Variants in KALRN observed in about 807,000 individuals in gnomAD.
KALRN encodes kalirin RhoGEF kinase.
In KALRN, 70 loss-of-function variants were observed where a neutral mutation model predicts 353.7. The observed-to-expected ratio is 0.20, with a 90% CI of 0.16 to 0.24. The LOEUF is 0.24. Among genes scored for constraint, KALRN ranks in the 10% least tolerant of loss-of-function variants. The pLI is 1.00. For synonymous variants in KALRN, 1,391 were observed against 1,434.8 expected (o/e 0.97, Z 0.69); for missense variants, 2,791 against 3,756.7 (o/e 0.74, Z 6.72).
At chr3:124,579,616 C>A (rs1282043504) in intron 34 of KALRN, among the ~76,000 whole-genome samples, 1 of 151,996 alleles carries the variant, frequency 6.6e-6, no homozygotes, top group African/African-American at 2.4e-5. Flanking sequence ...TAGGAAGAAG[C>A]CTCTCTAGCT....
intron 30 of KALRN, 118 bp downstream of exon 30, chr3:124,491,002 G>A (rs1209910262): frequency 2.3e-6 from 2 of 880,618 alleles, no homozygotes; most frequent in East Asian, 2.6e-5. Context: ...AAACCATCCT[G>A]GACAAATGAA....
At chr3:124,177,466 G>A (rs887997457) in intron 1 of KALRN, among the ~76,000 whole-genome samples, 3 of 152,186 alleles carry the variant, frequency 2.0e-5, no homozygotes, top group South Asian at 2.1e-4. Context: ...GGATCACCTG[G>A]AGAAGATGGA....
At chr3:124,698,307 C>T (rs1384472229) in intron 55 of KALRN, among the ~76,000 whole-genome samples, 1 of 152,198 alleles carries the variant, frequency 6.6e-6, no homozygotes, top group Non-Finnish European at 1.5e-5. Flanking sequence ...TTCTCTTCGT[C>T]TCTAGGAGGT....
chr3:124,224,684 G>A (rs2078288166), intron 1 of KALRN, among the ~76,000 whole-genome samples: 1 of 152,168 alleles, frequency 6.6e-6, no homozygotes, highest in Admixed American at 6.5e-5. Flanking sequence ...AACTGATTCT[G>A]GGGGACAAAT....
At chr3:124,711,449 T>C (rs1476249882) in intron 57 of KALRN, among the ~76,000 whole-genome samples, 2 of 152,184 alleles carry the variant, frequency 1.3e-5, no homozygotes, top group Admixed American at 1.3e-4. Context: ...GACACACCCA[T>C]TTCTGTTGGA....
At chr3:124,395,374 A>G in intron 12 of KALRN, 31 bp downstream of exon 12, 1 of 1,569,996 alleles carries the variant, frequency 6.4e-7, no homozygotes, top group Non-Finnish European at 8.7e-7. Context: ...CCAGTGGGAA[A>G]TGCCTCGGGC....
intron 34 of KALRN, among the ~76,000 whole-genome samples, chr3:124,618,555 G>A (rs34605102): frequency 0.43 from 66,048 of 151,938 alleles, 14,603 homozygotes; most frequent in Middle Eastern, 0.57. Flanking sequence ...TTATTACTAG[G>A]GCTGAACTTG....
chr3:124,230,659 T>A (rs1418378460), intron 2 of KALRN, among the ~76,000 whole-genome samples: 1 of 152,024 alleles, frequency 6.6e-6, no homozygotes, highest in Admixed American at 6.5e-5. Context: ...CTCTCCCCCA[T>A]TTGCCAGCGT....
chr3:124,281,527 A>G (rs1003806221), intron 5 of KALRN, among the ~76,000 whole-genome samples: 5 of 152,112 alleles, frequency 3.3e-5, no homozygotes, highest in African/African-American at 4.8e-5. Context: ...GCCTTTGTTC[A>G]TGCCAACACT....
chr3:124,036,280 T>C (rs1438243111), intron 1 of KALRN, among the ~76,000 whole-genome samples: 1 of 152,180 alleles, frequency 6.6e-6, no homozygotes, highest in Non-Finnish European at 1.5e-5. Flanking sequence ...TGTGTTTTCA[T>C]TGTTTAACTC....
At chr3:124,099,088 C>T (rs529688226) in intron 1 of KALRN, among the ~76,000 whole-genome samples, 10 of 152,188 alleles carry the variant, frequency 6.6e-5, no homozygotes, top group Non-Finnish European at 1.0e-4. Context: ...TCCATCACCT[C>T]GAACGTTTCT....
intron 11 of KALRN, among the ~76,000 whole-genome samples, chr3:124,394,268 C>A (rs1214000203): frequency 1.3e-5 from 2 of 152,212 alleles, no homozygotes; most frequent in Non-Finnish European, 2.9e-5. Context: ...TCCTGCTAGT[C>A]AGGTGAACAC....
chr3:124,176,296 G>A lies in KALRN; in HGVS notation c.74-51694G>A, dbSNP rs60644948. Among the ~76,000 whole-genome samples, 956 of 152,270 alleles carry A rather than the reference G, an allele frequency of 6.3e-3. 6 individuals are homozygous for A. The highest frequency in any genetic ancestry group is 0.02 in the African/African-American group (844 of 41,540). On this transcript the variant is annotated intron_variant, in intron 1 of 59. Coordinates refer to ENST00000682506, the MANE Select transcript of KALRN (RefSeq NM_001388419.1). Reference sequence around the variant, plus strand: ...TTCCCAGGGAACCCACCCTGAGGAAGCCCCGCAGTAGTAGTTGTTGAAGTG... The same window carrying A: ...TTCCCAGGGAACCCACCCTGAGGAAACCCCGCAGTAGTAGTTGTTGAAGTG...
Position 124,227,357 on chromosome 3 carries a change from G to A in KALRN, c.74-633G>A, listed in dbSNP as rs4678094. Among the ~76,000 whole-genome samples the A allele has an allele frequency of 0.04, 6,102 of 152,272 alleles. 745 individuals are homozygous for A. In the East Asian group the frequency reaches 0.46, roughly 11 times the overall value. ...CATCTCCTGTCTATTGTGGACCAAT[G>A]ATGATGACATTGAGGGGAGGAGGAA... On this transcript the variant is annotated intron_variant, in intron 1 of 59. Coordinates refer to ENST00000682506, the MANE Select transcript of KALRN (RefSeq NM_001388419.1).
intron 28 of KALRN, among the ~76,000 whole-genome samples, chr3:124,484,933 G>A (rs574195416): frequency 3.9e-5 from 6 of 151,994 alleles, no homozygotes; most frequent in South Asian, 4.2e-4. Context: ...GCGAAACCCC[G>A]TCTCTACAAA....
chr3:124,233,620 C>T (rs2079428517), intron 2 of KALRN, among the ~76,000 whole-genome samples: 1 of 152,124 alleles, frequency 6.6e-6, no homozygotes, highest in African/African-American at 2.4e-5. Context: ...TTTTGTCAAG[C>T]CTCCCCTCTA....
intron 13 of KALRN, among the ~76,000 whole-genome samples, chr3:124,400,985 C>T (rs992570038): frequency 6.6e-6 from 1 of 152,138 alleles, no homozygotes; most frequent in Non-Finnish European, 1.5e-5. Flanking sequence ...GCTGGTTCAG[C>T]GCTGGAATGG....
chr3:124,262,532 G>C (rs555482596), intron 3 of KALRN, among the ~76,000 whole-genome samples: 1 of 152,316 alleles, frequency 6.6e-6, no homozygotes, highest in Admixed American at 6.5e-5. Flanking sequence ...TGTCAGGGAA[G>C]AAGAGGCAAC....
At chr3:124,170,647 C>T (rs1439969491) in intron 1 of KALRN, among the ~76,000 whole-genome samples, 1 of 151,942 alleles carries the variant, frequency 6.6e-6, no homozygotes, top group African/African-American at 2.4e-5. Flanking sequence ...TCAATAAAAG[C>T]AAGCTCTAAA....
Sources: allele counts gnomAD v4.1 joint callset (sites outside exome capture counted in the v4.1 genomes callset), GRCh38; gene constraint gnomAD v4.1.1; transcripts MANE v1.5; gene names NCBI Gene and HGNC (gene_info 2026-07-23, HGNC 2026-07-21).